Variants in GPR3 observed in about 807,000 individuals in gnomAD.
GPR3 encodes G protein-coupled receptor 3.
GPR3 carries 16 observed loss-of-function variants against 18.2 expected under a neutral mutation model. The observed-to-expected ratio is 0.88, with a 90% CI of 0.60 to 1.34. GPR3 has a LOEUF of 1.34. Among genes scored for constraint, GPR3 ranks in the 40% most tolerant of loss-of-function variants. The pLI is 0.00. For missense variants in GPR3, 326 were observed against 427.6 expected (o/e 0.76, Z 2.10); for synonymous variants, 183 against 188.9 (o/e 0.97, Z 0.26).
chr1:27,394,116 G>A lies in GPR3; in HGVS notation c.318G>A (p.Ala106=), dbSNP rs756872209. 92 of 1,612,374 alleles carry A rather than the reference G, an allele frequency of 5.7e-5. No individual in the cohort carries two copies. The South Asian group carries it at 7.5e-4, about 13-fold the overall frequency. The change falls in exon 2 of 2, where the codon GCG becomes GCA. Residue 106 remains alanine (A), a synonymous_variant. Coordinates refer to ENST00000374024, the MANE Select transcript of GPR3 (RefSeq NM_005281.4). ...CTGCTGTCTTCTGCATCGGCTCAGC[G>A]GAGATGAGCCTGGTGCTGGTTGGCG... ...HFAAVFCIGS[A]EMSLVLVGVL...
Position 27,394,284 on chromosome 1 carries a change from A to T in GPR3, c.486A>T (p.Gly162=). Residue 162 remains glycine, a synonymous_variant, in exon 2 of 2, where the codon GGA becomes GGT. Transcript: ENST00000374024. ...ATGTGATGCTGGCCTTAGTGTGGGG[A>T]GGTGCCCTGGGCCTGGGGCTGCTGC... is the stretch of plus-strand genomic sequence containing the variant. ...RTYVMLALVW[G]GALGLGLLPV... is the part of the protein sequence containing the mutation. 1 of 1,613,040 alleles carries T rather than the reference A, an allele frequency of 6.2e-7. No individual in the cohort carries two copies. The highest frequency in any genetic ancestry group is 8.5e-7 in the Non-Finnish European group (1 of 1,180,006).
Position 27,395,246 on chromosome 1 carries a change from A to G in GPR3, c.*455A>G, listed in dbSNP as rs2016533258. 5.8e-6 allele frequency: 1 copy of G among 173,162 alleles called. No individual in the cohort carries two copies. Among genetic ancestry groups the G allele is most frequent in the African/African-American group, 2.4e-5 (1 of 41,536 alleles). 10.7% of individuals were successfully genotyped at this position (173,162 alleles called of 1,614,324 possible). ...CTATTTATGATTGATTTATTTATTTATAAATTTACTTATGGGTGGTAAGGG... is the reference window on the plus strand; with the variant it reads ...CTATTTATGATTGATTTATTTATTTGTAAATTTACTTATGGGTGGTAAGGG... On this transcript the variant is annotated 3_prime_UTR_variant, in exon 2 of 2. Coordinates refer to ENST00000374024, the MANE Select transcript of GPR3 (RefSeq NM_005281.4).
Position 27,394,822 on chromosome 1 carries a change from A to G in GPR3, c.*31A>G, listed in dbSNP as rs2016528506. The G allele has an allele frequency of 6.3e-7, 1 of 1,596,120 alleles. No individual in the cohort carries two copies. On this transcript the variant is annotated 3_prime_UTR_variant, in exon 2 of 2. Transcript: ENST00000374024. ...TCTTCATGACCCTTCAACCCTGATT[A>G]CTACAGAATTCCAGAATGTTAGGCT...
At position 27,395,325 on chromosome 1, in the gene GPR3, C is replaced by A. The variant is rs2016533879; in HGVS notation, c.*534C>A. The A allele has an allele frequency of 6.0e-6, 1 of 167,696 alleles. No homozygotes were observed. The highest frequency in any genetic ancestry group is 2.4e-5 in the African/African-American group (1 of 41,398). The allele number at this position is 167,696 out of a possible 1,614,324, so 10.4% of individuals were successfully genotyped here. A position where few individuals can be genotyped will look rare whatever the true frequency, so the allele number is the denominator to read the frequency against. On this transcript the variant is annotated 3_prime_UTR_variant, in exon 2 of 2. Transcript: ENST00000374024. ...CAGGCCATACCAGGGTATCCCTTGT[C>A]CCTTCACCCCCATTTCTGACCTCAG...
At chr1:27,393,087 G>A (rs2016504849) in intron 1 of GPR3, among the ~76,000 whole-genome samples, 1 of 152,132 alleles carries the variant, frequency 6.6e-6, no homozygotes, top group Non-Finnish European at 1.5e-5. Flanking sequence ...AGGAGGCAGA[G>A]TCAGGCCCAA....
Position 27,395,160 on chromosome 1 carries a change from T to A in GPR3, c.*369T>A, listed in dbSNP as rs1449169518. 3.8e-6 allele frequency: 1 copy of A among 262,594 alleles called. No homozygotes were observed. Among genetic ancestry groups the A allele is most frequent in the African/African-American group, 2.2e-5 (1 of 44,772 alleles). 16.3% of individuals were successfully genotyped at this position (262,594 alleles called of 1,614,324 possible). ...TGAGCTAAAGAGTCAGAGAGATTAG[T>A]CACATAGTTGCCTAAATAGGAGAGA... On this transcript the variant is annotated 3_prime_UTR_variant, in exon 2 of 2. Transcript: ENST00000374024.
In GPR3 at chr1:27,394,239, G is replaced by C. The variant is rs1408478033; in HGVS notation, c.441G>C (p.Glu147Asp). 6.2e-7 allele frequency: 1 copy of C among 1,613,528 alleles called. No homozygotes were observed. The highest frequency in any genetic ancestry group is 1.1e-5 in the South Asian group (1 of 91,086). Residue 147 changes from glutamate to aspartate, a missense_variant, in exon 2 of 2, where the codon GAG becomes GAC. Glu to Asp is a conservative substitution (Grantham distance 45). Coordinates refer to ENST00000374024, the MANE Select transcript of GPR3 (RefSeq NM_005281.4). ...ACAATGCCCTCACCTACTATTCAGA[G>C]ACAACAGTGACACGGACCTATGTGA... is the stretch of plus-strand genomic sequence containing the variant. Reference protein sequence around the residue: ...SLYNALTYYSETTVTRTYVML... With the variant: ...SLYNALTYYSDTTVTRTYVML...
In GPR3 at chr1:27,394,816, CT is replaced by C. The variant is rs781186377; in HGVS notation, c.*26del. The C allele has an allele frequency of 6.2e-7, 1 of 1,601,334 alleles. No individual in the cohort carries two copies. The highest frequency in any genetic ancestry group is 1.1e-5 in the South Asian group (1 of 89,034). On this transcript the variant is annotated 3_prime_UTR_variant, in exon 2 of 2. Transcript: ENST00000374024. Reference sequence around the variant, plus strand: ...GCTGAGTCTTCATGACCCTTCAACCCTGATTACTACAGAATTCCAGAATGTT... The same window carrying C: ...GCTGAGTCTTCATGACCCTTCAACCCGATTACTACAGAATTCCAGAATGTT...
intron 1 of GPR3, among the ~76,000 whole-genome samples, 152 bp downstream of exon 1, chr1:27,392,889 G>C (rs940029355): frequency 7.2e-5 from 11 of 152,298 alleles, no homozygotes; most frequent in Admixed American, 6.5e-4. Flanking sequence ...TAGCAGGCTT[G>C]GGCCCAAGTG....
chr1:27,394,976 C>T lies in GPR3; in HGVS notation c.*185C>T. On this transcript the variant is annotated 3_prime_UTR_variant, in exon 2 of 2. Coordinates refer to ENST00000374024, the MANE Select transcript of GPR3 (RefSeq NM_005281.4). ...GGGGGCCCAGCTGGCTCCACGGTTC[C>T]AGAATGTTCAGGTGGTCAGTGTTCT... 4.8e-6 allele frequency: 3 copies of T among 630,394 alleles called. No individual in the cohort carries two copies. The highest frequency in any genetic ancestry group is 6.1e-5 in the Admixed American group (2 of 32,638). The allele number at this position is 630,394 out of a possible 1,614,324, so 39.1% of individuals were successfully genotyped here.
In GPR3 at chr1:27,394,768, T is replaced by G; in HGVS notation, c.970T>G (p.Ser324Ala). The change falls in exon 2 of 2, where the codon TCC becomes GCC. Residue 324 changes from serine to alanine, a missense_variant. Physicochemically the swap from Ser to Ala is moderately conservative, Grantham distance 99 (BLOSUM62 1). Coordinates refer to ENST00000374024, the MANE Select transcript of GPR3 (RefSeq NM_005281.4). ...CCSSSKIPFR[S>A]RSPSDV is the part of the protein sequence containing the mutation. The stretch of plus-strand genomic sequence containing the variant: ...TTCCTCTTCCAAGATCCCCTTCCGA[T>G]CCCGCTCCCCCAGTGATGTCTAGCT... 1.2e-6 allele frequency: 2 copies of G among 1,613,904 alleles called. No individual in the cohort carries two copies. Among genetic ancestry groups the G allele is most frequent in the Non-Finnish European group, 1.7e-6 (2 of 1,179,882 alleles).
rs572186305 is a variant in GPR3 at position 27,395,285 on chromosome 1, C to T, written c.*494C>T. On this transcript the variant is annotated 3_prime_UTR_variant, in exon 2 of 2. Coordinates refer to ENST00000374024, the MANE Select transcript of GPR3 (RefSeq NM_005281.4). ...GGGTGGTAAGGGGCAAAAAAGAGGC[C>T]CACACCTTGATATCCAGGCCATACC... 5 of 170,310 alleles carry T rather than the reference C, an allele frequency of 2.9e-5. No individual in the cohort carries two copies. The highest frequency in any genetic ancestry group is 6.3e-5 in the Admixed American group (1 of 15,776). 10.5% of individuals were successfully genotyped at this position (170,310 alleles called of 1,614,324 possible). A position where few individuals can be genotyped will look rare whatever the true frequency, so the allele number is the denominator to read the frequency against.
chr1:27,395,104 C>A lies in GPR3; in HGVS notation c.*313C>A. On this transcript the variant is annotated 3_prime_UTR_variant, in exon 2 of 2. Transcript: ENST00000374024. ...GATGTCCCTCTTCCCCCAAACTTGA[C>A]CTTGACCATGTCACTTTATGTTTGA... The A allele has an allele frequency of 2.6e-6, 1 of 389,868 alleles. No individual in the cohort carries two copies. Among genetic ancestry groups the A allele is most frequent in the Admixed American group, 4.2e-5 (1 of 23,676 alleles). 24.2% of individuals were successfully genotyped at this position (389,868 alleles called of 1,614,324 possible). A position where few individuals can be genotyped will look rare whatever the true frequency, so the allele number is the denominator to read the frequency against.
chr1:27,394,033 G>A lies in GPR3; in HGVS notation c.235G>A (p.Val79Met). The A allele has an allele frequency of 6.2e-7, 1 of 1,611,548 alleles. No homozygotes were observed. The change falls in exon 2 of 2, where the codon GTG becomes ATG. Residue 79 changes from valine to methionine, a missense_variant. Coordinates refer to ENST00000374024, the MANE Select transcript of GPR3 (RefSeq NM_005281.4). ...CTTCCGTGCCCCCATGTTCCTGCTGGTGGGCAGCCTGGCCGTGGCAGACCT... is the reference window on the plus strand; with the variant it reads ...CTTCCGTGCCCCCATGTTCCTGCTGATGGGCAGCCTGGCCGTGGCAGACCT... ...PAFRAPMFLL[V>M]GSLAVADLLA...
At position 27,395,059 on chromosome 1, in the gene GPR3, C is replaced by T. The variant is rs2016531408; in HGVS notation, c.*268C>T. ...CAATTCCAGAATGCTGGGAGTTTTA[C>T]AGTGCCATTCCAAGTCCCAGATGTC... On this transcript the variant is annotated 3_prime_UTR_variant, in exon 2 of 2. Transcript: ENST00000374024. 10 of 461,178 alleles carry T rather than the reference C, an allele frequency of 2.2e-5. No individual in the cohort carries two copies. In the South Asian group the frequency reaches 4.4e-4, roughly 20 times the overall value. The allele number at this position is 461,178 out of a possible 1,614,324, so 28.6% of individuals were successfully genotyped here.
Position 27,394,589 on chromosome 1 carries a change from C to G in GPR3, c.791C>G (p.Thr264Ser). The G allele has an allele frequency of 6.2e-7, 1 of 1,614,228 alleles. No homozygotes were observed. Among genetic ancestry groups the G allele is most frequent in the Non-Finnish European group, 8.5e-7 (1 of 1,180,028 alleles). ...TTTGCCGCCTGCTGGTTGCCCTTCA[C>G]TGTCTACTGCCTGCTGGGTGATGCC... ...GAFAACWLPF[T>S]VYCLLGDAHS... The change falls in exon 2 of 2, where the codon ACT (threonine) becomes AGT (serine). Residue 264 changes from threonine to serine, a missense_variant. By Grantham distance (58) the Thr-to-Ser change is moderately conservative. Transcript: ENST00000374024.
chr1:27,395,043 A>C lies in GPR3; in HGVS notation c.*252A>C. 1 of 483,914 alleles carries C rather than the reference A, an allele frequency of 2.1e-6. No homozygotes were observed. The highest frequency in any genetic ancestry group is 4.0e-5 in the South Asian group (1 of 25,126). The allele number at this position is 483,914 out of a possible 1,614,324, so 30.0% of individuals were successfully genotyped here. ...CAGCCCAGCTGGGTTGCAATTCCAG[A>C]ATGCTGGGAGTTTTACAGTGCCATT... is the stretch of plus-strand genomic sequence containing the variant. On this transcript the variant is annotated 3_prime_UTR_variant, in exon 2 of 2. Transcript: ENST00000374024.
intron 1 of GPR3, 80 bp from the exon 2 acceptor site, chr1:27,393,714 T>TGA: frequency 8.1e-7 from 1 of 1,228,722 alleles, no homozygotes. Flanking sequence ...CCACGTATCC[T>TGA]GAGAAGCACC....
In GPR3 at chr1:27,394,393, G is replaced by A. The variant is rs1432333678; in HGVS notation, c.595G>A (p.Ala199Thr). The A allele has an allele frequency of 1.2e-6, 2 of 1,613,980 alleles. No individual in the cohort carries two copies. Among genetic ancestry groups the A allele is most frequent in the Non-Finnish European group, 1.7e-6 (2 of 1,180,044 alleles). ...PLSKNHLVVL[A>T]IAFFMVFGIM... ...CTCCAAGAACCATCTGGTAGTTCTG[G>A]CCATTGCCTTCTTCATGGTGTTTGG... Residue 199 changes from alanine to threonine, a missense_variant, in exon 2 of 2, where the codon GCC becomes ACC. Transcript: ENST00000374024.
Sources: allele counts gnomAD v4.1 joint callset (sites outside exome capture counted in the v4.1 genomes callset), GRCh38; gene constraint gnomAD v4.1.1; transcripts MANE v1.5; gene names NCBI Gene and HGNC (gene_info 2026-07-23, HGNC 2026-07-21).